FER: variants seen among roughly 807,000 people sequenced by gnomAD.
The protein encoded by FER is FER tyrosine kinase, also known as tyrosine-protein kinase Fer.
In FER, 63 loss-of-function variants were observed where a neutral mutation model predicts 111.0. That is an observed-to-expected ratio of 0.57 (90% CI 0.46 to 0.70). The LOEUF (loss-of-function observed/expected upper bound fraction) is 0.70, where lower values mean the gene tolerates loss of function less well. FER is among the 30% of genes least tolerant of loss of function. FER has a pLI of 0.00. For synonymous variants in FER, 327 were observed against 313.9 expected (o/e 1.04, Z -0.44); for missense variants, 914 against 954.0 (o/e 0.96, Z 0.55).
chr5:108,782,751 T>A (rs1338626490), intron 2 of FER: 1 of 152,236 alleles, frequency 6.6e-6, no homozygotes, highest in African/African-American at 2.4e-5. Context: ...GTGCTGGGAT[T>A]ACAGGTATGA....
At chr5:108,971,815 A>G (rs922011482) in intron 13 of FER, among the ~76,000 whole-genome samples, 44 of 152,238 alleles carry the variant, frequency 2.9e-4, no homozygotes, top group Non-Finnish European at 5.4e-4. Flanking sequence ...ACAACTCAGA[A>G]TATCAAGGGT....
At chr5:109,006,734 T>A (rs1765546330) in intron 13 of FER, among the ~76,000 whole-genome samples, 1 of 152,100 alleles carries the variant, frequency 6.6e-6, no homozygotes, top group Non-Finnish European at 1.5e-5. Context: ...GAGTAAAAAA[T>A]TGTAATCTAA....
intron 16 of FER, among the ~76,000 whole-genome samples, chr5:109,056,697 C>T (rs775688693): frequency 1.8e-4 from 27 of 152,004 alleles, no homozygotes; most frequent in Admixed American, 3.9e-4. Context: ...GGGATTCATG[C>T]TAAATGAGTA....
chr5:108,754,197 G>T (rs940243258), intron 1 of FER, among the ~76,000 whole-genome samples: 5 of 152,006 alleles, frequency 3.3e-5, no homozygotes, highest in Admixed American at 6.6e-5. Flanking sequence ...GATCACTTGA[G>T]CCTAGAAGTT....
intron 14 of FER, among the ~76,000 whole-genome samples, chr5:109,042,790 G>A (rs1380801677): frequency 6.6e-6 from 1 of 152,048 alleles, no homozygotes; most frequent in East Asian, 1.9e-4. Context: ...TTCCACAGAG[G>A]GAAAAATGTA....
intron 16 of FER, among the ~76,000 whole-genome samples, chr5:109,060,758 T>G (rs1463517476): frequency 1.6e-5 from 2 of 127,500 alleles, no homozygotes; most frequent in African/African-American, 2.9e-5. Flanking sequence ...TGCGTATGTG[T>G]GGTGTGTGTG....
At chr5:109,126,491 C>G (rs888769200) in intron 17 of FER, among the ~76,000 whole-genome samples, 2 of 152,144 alleles carry the variant, frequency 1.3e-5, no homozygotes, top group Non-Finnish European at 2.9e-5. Context: ...TAAATCCAAG[C>G]ATGGTTACAA....
At chr5:109,023,412 A>G (rs1391615628) in intron 13 of FER, among the ~76,000 whole-genome samples, 1 of 152,156 alleles carries the variant, frequency 6.6e-6, no homozygotes, top group Non-Finnish European at 1.5e-5. Flanking sequence ...GGAGATTTCA[A>G]GTAGGCACTT....
chr5:108,922,848 T>A (rs1443931527), intron 10 of FER, among the ~76,000 whole-genome samples: 2 of 152,174 alleles, frequency 1.3e-5, no homozygotes, highest in East Asian at 1.9e-4. Context: ...CTTTGGAGAC[T>A]CTTTTTTGGC....
intron 3 of FER, 79 bp downstream of exon 3, chr5:108,798,468 G>T: frequency 1.9e-6 from 2 of 1,073,104 alleles, no homozygotes; most frequent in Non-Finnish European, 2.8e-6. Context: ...ACTATTGAAT[G>T]AGCATACTTA....
chr5:109,056,356 T>C lies in FER; in HGVS notation c.1924+9158T>C, dbSNP rs1452091935. On this transcript the variant is annotated intron_variant, in intron 16 of 19. Coordinates refer to ENST00000281092, the MANE Select transcript of FER (RefSeq NM_005246.4). ...AGCAGAGAAATGGATAAAGAAAATGTGTTACATATGTTCAGTAGAATATTC... is the reference window on the plus strand; with the variant it reads ...AGCAGAGAAATGGATAAAGAAAATGCGTTACATATGTTCAGTAGAATATTC... Among the ~76,000 whole-genome samples, 3 of 152,278 alleles carry C rather than the reference T, an allele frequency of 2.0e-5. No individual in the cohort carries two copies. The East Asian group carries it at 5.8e-4, about 29-fold the overall frequency.
chr5:109,102,765 A>T (rs989246727), intron 17 of FER, among the ~76,000 whole-genome samples: 2 of 152,100 alleles, frequency 1.3e-5, no homozygotes, highest in African/African-American at 2.4e-5. Context: ...CTTCAGACTC[A>T]TTAAATGCTC....
intron 3 of FER, among the ~76,000 whole-genome samples, chr5:108,819,179 C>CTTTT: frequency 7.9e-6 from 1 of 127,204 alleles, no homozygotes; most frequent in African/African-American, 3.0e-5. Flanking sequence ...CCATGCTCAG[C>CTTTT]TTTTTTTTTT....
chr5:109,044,621 T>C (rs1372502872), intron 14 of FER, 59 bp from the exon 15 acceptor site: 2 of 826,584 alleles, frequency 2.4e-6, no homozygotes, highest in Non-Finnish European at 3.8e-6. Context: ...TTCCTTGTAT[T>C]TGGCAAAGAT....
intron 13 of FER, among the ~76,000 whole-genome samples, chr5:108,986,130 C>T (rs1382268309): frequency 6.6e-6 from 1 of 152,042 alleles, no homozygotes; most frequent in Non-Finnish European, 1.5e-5. Context: ...TATGGCCACT[C>T]TTGTAGGAGT....
intron 5 of FER, among the ~76,000 whole-genome samples, chr5:108,854,688 C>A (rs1285780335): frequency 6.6e-6 from 1 of 152,140 alleles, no homozygotes; most frequent in Non-Finnish European, 1.5e-5. Flanking sequence ...GTAATCCCAG[C>A]ATTTTGGGAG....
chr5:109,095,178 A>C (rs1747344138), intron 16 of FER, among the ~76,000 whole-genome samples: 2 of 152,134 alleles, frequency 1.3e-5, no homozygotes, highest in African/African-American at 4.8e-5. Flanking sequence ...AGACCAAATT[A>C]GGAAACCCAC....
rs554447977 is a variant in FER at position 109,074,185 on chromosome 5, C to G, written c.1925-26211C>G. Among the ~76,000 whole-genome samples the G allele has an allele frequency of 2.4e-4, 37 of 152,222 alleles. No individual in the cohort carries two copies. The South Asian group carries it at 7.3e-3, about 30-fold the overall frequency. On this transcript the variant is annotated intron_variant, in intron 16 of 19. Transcript: ENST00000281092. Reference sequence around the variant, plus strand: ...GAACTTCTTTGATATCACCATAGTTCTTTAAAATATTATTATCCTCAGTTT... The same window carrying G: ...GAACTTCTTTGATATCACCATAGTTGTTTAAAATATTATTATCCTCAGTTT...
At chr5:108,885,603 A>G (rs751487328) in intron 9 of FER, among the ~76,000 whole-genome samples, 2 of 151,926 alleles carry the variant, frequency 1.3e-5, no homozygotes, top group Non-Finnish European at 1.5e-5. Context: ...GTATCCTCAC[A>G]TGGCAGAAAG....
Sources: allele counts gnomAD v4.1 joint callset (sites outside exome capture counted in the v4.1 genomes callset), GRCh38; gene constraint gnomAD v4.1.1; transcripts MANE v1.5; gene names NCBI Gene and HGNC (gene_info 2026-07-23, HGNC 2026-07-21).